The following TNS1 variants were observed in gnomAD, a reference collection of about 807,000 sequenced individuals.
The protein encoded by TNS1 is tensin-1.
TNS1 carries 62 observed loss-of-function variants against 168.6 expected under a neutral mutation model. The ratio of observed to expected loss-of-function variants is 0.37; its 90% CI spans 0.30 to 0.45. The LOEUF (loss-of-function observed/expected upper bound fraction) is 0.45, where lower values mean the gene tolerates loss of function less well. Ranked by LOEUF, TNS1 falls within the 20% of genes least tolerant of loss-of-function variation. TNS1 has a pLI of 1.00. For missense variants in TNS1, 2,240 were observed against 2,339.4 expected, an observed-to-expected ratio of 0.96 and a Z score of 0.88; for synonymous variants, 934 against 933.2, an observed-to-expected ratio of 1.00 and a Z score of -0.02.
chr2:218,010,307 T>G, exon 1 of TNS1: 7 of 387,302 alleles, frequency 1.8e-5, no homozygotes, highest in Non-Finnish European at 1.4e-5. Flanking sequence ...CGCCCTGCCC[T>G]ACCCTGTCCC....
intron 4 of TNS1, among the ~76,000 whole-genome samples, chr2:217,918,175 G>T (rs1955291424): frequency 6.6e-6 from 1 of 152,222 alleles, no homozygotes; most frequent in African/African-American, 2.4e-5. Flanking sequence ...ATGGATTAAT[G>T]TGCTCACTTT....
At chr2:218,029,263 A>G (rs1473132523) in intron 1 of TNS1, among the ~76,000 whole-genome samples, 1 of 152,140 alleles carries the variant, frequency 6.6e-6, no homozygotes, top group Non-Finnish European at 1.5e-5. Flanking sequence ...ACAAAGGGAC[A>G]TAAGAGGATG....
At chr2:217,805,884 C>CACACACACACA (rs1553529655) in intron 32 of TNS1, among the ~76,000 whole-genome samples, 5 of 147,164 alleles carry the variant, frequency 3.4e-5, no homozygotes, top group Admixed American at 6.7e-5. Context: ...TATACACACA[C>CACACACACACA]CACACACACA....
chr2:217,837,378 G>A (rs1037046566), intron 19 of TNS1, among the ~76,000 whole-genome samples: 5 of 152,216 alleles, frequency 3.3e-5, no homozygotes, highest in Admixed American at 2.0e-4. Context: ...CACAAAGGCT[G>A]CCATAAACAG....
At chr2:217,992,894 T>C (rs1162669180) in intron 1 of TNS1, among the ~76,000 whole-genome samples, 3 of 152,200 alleles carry the variant, frequency 2.0e-5, no homozygotes, top group African/African-American at 4.8e-5. Context: ...TACATGATGA[T>C]AGGAATGGCT....
chr2:217,947,394 C>T (rs1006839439), intron 3 of TNS1, among the ~76,000 whole-genome samples: 3 of 151,946 alleles, frequency 2.0e-5, no homozygotes, highest in East Asian at 3.9e-4. Flanking sequence ...TGCCTGGCAT[C>T]GAGCAGGCGC....
At chr2:217,814,718 T>C (rs1023866400) in intron 25 of TNS1, among the ~76,000 whole-genome samples, 194 bp downstream of exon 25, 11 of 152,240 alleles carry the variant, frequency 7.2e-5, no homozygotes, top group African/African-American at 2.4e-4. Flanking sequence ...AAGAGGTGTC[T>C]ACAACTACTG....
At chr2:218,007,497 T>C (rs533717593), upstream of TNS1, among the ~76,000 whole-genome samples, 2 of 144,412 alleles carry the variant, frequency 1.4e-5, no homozygotes, top group Non-Finnish European at 3.0e-5. Flanking sequence ...GGGGCTATGC[T>C]TCCATGTTGT....
chr2:217,971,207 G>A (rs1284682793), intron 3 of TNS1, among the ~76,000 whole-genome samples: 1 of 152,178 alleles, frequency 6.6e-6, no homozygotes, highest in South Asian at 2.1e-4. Context: ...CCCCAAGGAA[G>A]TTCCTTCACA....
At chr2:217,950,483 G>A (rs1040292828) in intron 3 of TNS1, among the ~76,000 whole-genome samples, 8 of 152,070 alleles carry the variant, frequency 5.3e-5, no homozygotes, top group South Asian at 2.1e-4. Flanking sequence ...GCCACACCCC[G>A]AGAGCTGACC....
chr2:217,918,488 AG>A (rs1955361360), intron 4 of TNS1, among the ~76,000 whole-genome samples: 1 of 152,196 alleles, frequency 6.6e-6, no homozygotes, highest in Admixed American at 6.5e-5. Flanking sequence ...AGAGACACGC[AG>A]CCTTGCTCAG....
chr2:218,024,091 C>G (rs997233746), intron 1 of TNS1, among the ~76,000 whole-genome samples: 1 of 152,174 alleles, frequency 6.6e-6, no homozygotes, highest in African/African-American at 2.4e-5. Context: ...CTCTAGTCTG[C>G]CCATTCTACA....
intron 1 of TNS1, among the ~76,000 whole-genome samples, chr2:218,020,215 G>A (rs1574482920): frequency 6.6e-6 from 1 of 152,144 alleles, no homozygotes; most frequent in African/African-American, 2.4e-5. Context: ...CTGTGGGGGT[G>A]CTAAAATATT....
chr2:218,004,352 T>C (rs1359671197), upstream of TNS1, among the ~76,000 whole-genome samples: 2 of 151,536 alleles, frequency 1.3e-5, no homozygotes, highest in African/African-American at 4.8e-5. Flanking sequence ...GCACGAAGGG[T>C]TACAGATCCC....
chr2:217,884,459 C>A (rs184208448), intron 16 of TNS1, among the ~76,000 whole-genome samples: 1 of 152,078 alleles, frequency 6.6e-6, no homozygotes, highest in African/African-American at 2.4e-5. Flanking sequence ...AAGAAAGAAG[C>A]AAAAGCAAAC....
At chr2:218,028,144 C>T (rs1291702172) in intron 1 of TNS1, among the ~76,000 whole-genome samples, 7 of 152,222 alleles carry the variant, frequency 4.6e-5, no homozygotes, top group Non-Finnish European at 1.0e-4. Flanking sequence ...GCTCTTCAAA[C>T]CTCAAAAAGT....
chr2:217,805,501 A>ACCC (rs1938491455), intron 32 of TNS1, among the ~76,000 whole-genome samples: 2 of 97,372 alleles, frequency 2.1e-5, no homozygotes, highest in Non-Finnish European at 4.2e-5. Flanking sequence ...CACACCACAC[A>ACCC]CACCACCACA....
chr2:217,826,350 T>C (rs1192426035), intron 22 of TNS1, among the ~76,000 whole-genome samples: 1 of 152,174 alleles, frequency 6.6e-6, no homozygotes, highest in Non-Finnish European at 1.5e-5. Flanking sequence ...GCTTCCTTTT[T>C]CTGTTTATTC....
At chr2:217,805,352 G>A (rs1938316031) in intron 32 of TNS1, among the ~76,000 whole-genome samples, 1 of 151,346 alleles carries the variant, frequency 6.6e-6, no homozygotes, top group Admixed American at 6.6e-5. Context: ...TCTCCCTACC[G>A]CAGGACCACG....
Sources: gnomAD v4.1 joint callset for allele counts (sites outside exome capture counted in the v4.1 genomes callset) on GRCh38, gnomAD v4.1.1 for gene constraint, MANE v1.5 for transcripts, NCBI Gene and HGNC (gene_info 2026-07-23, HGNC 2026-07-21) for gene names.